Variants in SVOPL observed in about 807,000 individuals in gnomAD.
SVOPL encodes the protein SVOP like.
In SVOPL, 60 loss-of-function variants were observed where a neutral mutation model predicts 61.0. The observed-to-expected ratio is 0.98, with a 90% confidence interval of 0.80 to 1.22. The LOEUF is 1.22. Ranked by LOEUF, SVOPL falls within the 50% of genes most tolerant of loss-of-function variation. The pLI, the probability that SVOPL is intolerant of heterozygous loss-of-function variation, is 0.00. For synonymous variants in SVOPL, 279 were observed against 250.0 expected (o/e 1.12, Z -1.09); for missense variants, 662 against 643.9 (o/e 1.03, Z -0.30).
At chr7:138,600,266 A>G (rs1320916041) in intron 14 of SVOPL, among the ~76,000 whole-genome samples, 1 of 152,218 alleles carries the variant, frequency 6.6e-6, no homozygotes, top group Non-Finnish European at 1.5e-5. Context: ...AAGACAAGAT[A>G]TAATTTATCG....
intron 1 of SVOPL, among the ~76,000 whole-genome samples, chr7:138,693,400 G>A (rs1293979711): frequency 1.3e-5 from 2 of 151,298 alleles, no homozygotes; most frequent in Admixed American, 6.6e-5. Flanking sequence ...CTACTTAGAG[G>A]GCTGAGGCAG....
intron 13 of SVOPL, among the ~76,000 whole-genome samples, chr7:138,624,070 G>A (rs910584400): frequency 3.3e-5 from 5 of 152,044 alleles, no homozygotes; most frequent in East Asian, 1.9e-4. Context: ...TCCACCTGCC[G>A]CGGCCTCCCA....
chr7:138,660,901 T>C, intron 5 of SVOPL: 1 of 985,350 alleles, frequency 1.0e-6, no homozygotes, highest in South Asian at 4.7e-5. Flanking sequence ...GGTGCAGGAC[T>C]CTTTAAGGAA....
chr7:138,679,141 T>C, intron 1 of SVOPL, 62 bp from the exon 2 acceptor site: 2 of 1,158,434 alleles, frequency 1.7e-6, no homozygotes, highest in Non-Finnish European at 2.5e-6. Context: ...AGTTAGTATA[T>C]GCCAGGCACA....
chr7:138,663,408 G>A lies in SVOPL; in HGVS notation c.274-263C>T, dbSNP rs886956628. 1.4e-5 allele frequency: 19 copies of A among 1,360,786 alleles called. 1 individual carries two copies. The South Asian group carries it at 2.4e-4, about 17-fold the overall frequency. 84.3% of individuals were successfully genotyped at this position (1,360,786 alleles called of 1,614,324 possible). ...TGCCGCCCGCTTGTTGCTAGAGGAC[G>A]GCTTCGGCTCCACTCTATTCAGATG... On this transcript the variant is annotated intron_variant, in intron 4 of 15. Coordinates refer to ENST00000674285, the MANE Select transcript of SVOPL (RefSeq NM_001139456.2).
At chr7:138,608,786 T>C (rs1371411536) in intron 14 of SVOPL, among the ~76,000 whole-genome samples, 1 of 151,942 alleles carries the variant, frequency 6.6e-6, no homozygotes, top group Non-Finnish European at 1.5e-5. Flanking sequence ...ACTCGAGAAA[T>C]ATACAGAGAA....
chr7:138,639,241 C>T (rs1031146250), intron 9 of SVOPL, among the ~76,000 whole-genome samples: 3 of 151,634 alleles, frequency 2.0e-5, no homozygotes, highest in Non-Finnish European at 4.4e-5. Context: ...GGCAACAGAG[C>T]AAGATTCTGT....
chr7:138,629,804 T>C (rs1800089435), intron 10 of SVOPL, among the ~76,000 whole-genome samples: 1 of 152,226 alleles, frequency 6.6e-6, no homozygotes, highest in Admixed American at 6.5e-5. Flanking sequence ...TGAACTCATA[T>C]GCTCACAAGA....
intron 9 of SVOPL, among the ~76,000 whole-genome samples, chr7:138,638,093 G>A (rs983650450): frequency 3.9e-5 from 6 of 152,032 alleles, no homozygotes; most frequent in Non-Finnish European, 8.8e-5. Context: ...GGCTAACATG[G>A]TGAAACCCCA....
chr7:138,673,250 C>T (rs1231535541), intron 3 of SVOPL, among the ~76,000 whole-genome samples: 1 of 152,124 alleles, frequency 6.6e-6, no homozygotes, highest in African/African-American at 2.4e-5. Flanking sequence ...CTTTGAAGTA[C>T]ACATATTATA....
At chr7:138,682,159 T>C (rs1802713514) in intron 1 of SVOPL, among the ~76,000 whole-genome samples, 1 of 152,218 alleles carries the variant, frequency 6.6e-6, no homozygotes, top group Non-Finnish European at 1.5e-5. Context: ...AAATCATGAC[T>C]GTTTTGCACC....
chr7:138,696,950 G>C (rs2117149799), intron 1 of SVOPL, among the ~76,000 whole-genome samples: 1 of 152,296 alleles, frequency 6.6e-6, no homozygotes, highest in Non-Finnish European at 1.5e-5. Flanking sequence ...ATAGGCACTT[G>C]ACCTGGAGAC....
chr7:138,696,434 T>C (rs1803067053), intron 1 of SVOPL, among the ~76,000 whole-genome samples: 1 of 151,992 alleles, frequency 6.6e-6, no homozygotes, highest in Admixed American at 6.6e-5. Flanking sequence ...GTTGTTGTTG[T>C]TGTTTTGAGA....
chr7:138,653,941 AAAAAAAAGAAAAG>A (rs1801567505), intron 7 of SVOPL, among the ~76,000 whole-genome samples: 1 of 149,124 alleles, frequency 6.7e-6, no homozygotes, highest in African/African-American at 2.5e-5. Flanking sequence ...TCAAAAAAAA[AAAAAAAAGAAAAG>A]AAAAGAAAAG....
intron 5 of SVOPL, 56 bp downstream of exon 5, chr7:138,663,018 C>T: frequency 6.2e-7 from 1 of 1,611,246 alleles, no homozygotes; most frequent in African/African-American, 1.3e-5. Context: ...GATAAGGTTG[C>T]CCCCAAAAGA....
At chr7:138,677,097 G>T (rs1014348297) in intron 3 of SVOPL, among the ~76,000 whole-genome samples, 2 of 151,878 alleles carry the variant, frequency 1.3e-5, no homozygotes, top group African/African-American at 2.4e-5. Context: ...TTAGATACGG[G>T]GTTTCACCAT....
At chr7:138,664,373 C>T (rs999932426) in intron 4 of SVOPL, 4 of 366,044 alleles carry the variant, frequency 1.1e-5, no homozygotes, top group Non-Finnish European at 1.1e-5. Flanking sequence ...CCTCCAACGC[C>T]CCTAATCCTC....
intron 4 of SVOPL, among the ~76,000 whole-genome samples, chr7:138,669,714 G>A (rs897525043): frequency 6.6e-6 from 1 of 152,094 alleles, no homozygotes; most frequent in African/African-American, 2.4e-5. Flanking sequence ...TTGCCCACTG[G>A]CATCCTCCAC....
chr7:138,619,215 C>T (rs558099960), intron 14 of SVOPL, among the ~76,000 whole-genome samples: 1 of 151,976 alleles, frequency 6.6e-6, no homozygotes, highest in African/African-American at 2.4e-5. Flanking sequence ...GGAGGCCAGC[C>T]TGAGCAACAT....
Sources: gnomAD v4.1 joint callset for allele counts (sites outside exome capture counted in the v4.1 genomes callset) on GRCh38, gnomAD v4.1.1 for gene constraint, MANE v1.5 for transcripts, NCBI Gene and HGNC (gene_info 2026-07-23, HGNC 2026-07-21) for gene names.